Variants in SCRG1 observed in about 807,000 individuals in gnomAD.
SCRG1 encodes scrapie-responsive protein 1.
Under a neutral mutation model 7.7 loss-of-function variants are expected in SCRG1, and 3 were observed. The observed-to-expected ratio is 0.39, with a 90% CI of 0.18 to 1.01. SCRG1 has a LOEUF of 1.01. Ranked by LOEUF, SCRG1 falls within the 50% of genes least tolerant of loss-of-function variation. The pLI, the probability that SCRG1 is intolerant of heterozygous loss-of-function variation, is 0.36. For missense variants in SCRG1, 110 were observed against 117.2 expected (o/e 0.94, Z 0.28); for synonymous variants, 46 against 41.2 (o/e 1.12, Z -0.44).
the SCRG1 span, among the ~76,000 whole-genome samples, chr4:173,519,084 T>C: frequency 1.1e-4 from 16 of 149,734 alleles, no homozygotes; most frequent in Non-Finnish European, 2.4e-4. Context: ...AGCAGCCAGG[T>C]AGCCCTGCGG....
chr4:173,385,798 T>A lies in SCRG1; in HGVS notation c.*2543A>T, dbSNP rs558539352. On this transcript the variant is annotated 3_prime_UTR_variant, in exon 3 of 3. Transcript: ENST00000296506. ...TCACATATGTCCTTATGCTGATGTG[T>A]CATTTGTAAATGGAGACACTGGATC... is the stretch of plus-strand genomic sequence containing the variant. The A allele has an allele frequency of 1.3e-5, 2 of 152,226 alleles. No individual in the cohort carries two copies. The highest frequency in any genetic ancestry group is 3.9e-4 in the East Asian group (2 of 5,188). The allele number at this position is 152,226 out of a possible 1,614,324, so 9.4% of individuals were successfully genotyped here.
At chr4:173,453,154 A>G in the SCRG1 span, among the ~76,000 whole-genome samples, 1 of 152,224 alleles carries the variant, frequency 6.6e-6, no homozygotes, top group African/African-American at 2.4e-5. Context: ...GCATTATAGG[A>G]GAGAAACCTG....
At chr4:173,519,052 G>C in the SCRG1 span, among the ~76,000 whole-genome samples, 1 of 151,986 alleles carries the variant, frequency 6.6e-6, no homozygotes, top group Non-Finnish European at 1.5e-5. Context: ...GGAACCCCCA[G>C]GCCCGCCACG....
chr4:173,414,958 A>C, the SCRG1 span, among the ~76,000 whole-genome samples: 1 of 152,234 alleles, frequency 6.6e-6, no homozygotes, highest in Non-Finnish European at 1.5e-5. Context: ...GCCTGTCTCC[A>C]GAATAAGAGG....
chr4:173,501,976 C>T, the SCRG1 span, among the ~76,000 whole-genome samples: 75 of 152,252 alleles, frequency 4.9e-4, no homozygotes, highest in Non-Finnish European at 9.1e-4. The surrounding 1 kb of genome is among the most constrained non-coding windows in gnomAD (Gnocchi z 5.1). Flanking sequence ...GGATACAAGA[C>T]CACGGAAAGC....
chr4:173,439,330 G>A, the SCRG1 span, among the ~76,000 whole-genome samples: 1 of 151,978 alleles, frequency 6.6e-6, no homozygotes, highest in Non-Finnish European at 1.5e-5. Flanking sequence ...GGTTTGAGAT[G>A]AGCCTGGCCA....
At chr4:173,484,930 A>ATTATG in the SCRG1 span, among the ~76,000 whole-genome samples, 1 of 61,542 alleles carries the variant, frequency 1.6e-5, no homozygotes, top group Non-Finnish European at 2.7e-5. Context: ...GATATTATAT[A>ATTATG]TTATATTATA....
the SCRG1 span, among the ~76,000 whole-genome samples, chr4:173,493,389 T>C: frequency 1.3e-5 from 2 of 152,118 alleles, no homozygotes; most frequent in Non-Finnish European, 2.9e-5. Context: ...CCAATCATGC[T>C]TCCTTGAACA....
chr4:173,511,053 G>A, the SCRG1 span, among the ~76,000 whole-genome samples: 4 of 152,080 alleles, frequency 2.6e-5, no homozygotes, highest in African/African-American at 4.8e-5. This position sits in a 1 kb window ranked among gnomAD's most constrained non-coding sequence, Gnocchi z 5.2. Context: ...TGCAACTTCC[G>A]CCTCCTGGAT....
chr4:173,450,787 G>A, the SCRG1 span, among the ~76,000 whole-genome samples: 1 of 152,130 alleles, frequency 6.6e-6, no homozygotes, highest in South Asian at 2.1e-4. Flanking sequence ...GTAGTTCCAC[G>A]CATAACAAAG....
At chr4:173,454,480 C>G in the SCRG1 span, among the ~76,000 whole-genome samples, 3 of 152,102 alleles carry the variant, frequency 2.0e-5, no homozygotes, top group Non-Finnish European at 4.4e-5. Flanking sequence ...GGGATATATA[C>G]CTGTATTTAC....
chr4:173,440,228 T>A, the SCRG1 span, among the ~76,000 whole-genome samples: 1 of 152,236 alleles, frequency 6.6e-6, no homozygotes, highest in Non-Finnish European at 1.5e-5. Context: ...CTCTACAGAA[T>A]CTGTGTGGAT....
the SCRG1 span, among the ~76,000 whole-genome samples, chr4:173,500,969 G>A: frequency 1.3e-5 from 2 of 152,370 alleles, no homozygotes; most frequent in African/African-American, 4.8e-5. Flanking sequence ...TCCTTCCGGG[G>A]AGCAGAAGGC....
At position 173,384,894 on chromosome 4, in the gene SCRG1, C is replaced by T. The variant is rs1453246510; in HGVS notation, c.*3447G>A. 6.6e-6 allele frequency: 1 copy of T among 152,060 alleles called. No homozygotes were observed. The highest frequency in any genetic ancestry group is 2.4e-5 in the African/African-American group (1 of 41,394). 9.4% of individuals were successfully genotyped at this position (152,060 alleles called of 1,614,324 possible). A position where few individuals can be genotyped will look rare whatever the true frequency, so the allele number is the denominator to read the frequency against. The stretch of plus-strand genomic sequence containing the variant: ...CTATCTGAAATGTACAATTGTGTGT[C>T]CTATCCATGTAAAAGTTTGCCTTTC... On this transcript the variant is annotated 3_prime_UTR_variant, in exon 3 of 3. Transcript: ENST00000296506.
At chr4:173,501,861 ATT>A in the SCRG1 span, among the ~76,000 whole-genome samples, 2 of 152,036 alleles carry the variant, frequency 1.3e-5, no homozygotes, top group Admixed American at 6.6e-5. This position sits in a 1 kb window ranked among gnomAD's most constrained non-coding sequence, Gnocchi z 5.1. Context: ...GCATCCAATT[ATT>A]CTTAAACAAT....
the SCRG1 span, among the ~76,000 whole-genome samples, chr4:173,480,022 G>C: frequency 6.6e-6 from 1 of 151,596 alleles, no homozygotes; most frequent in Non-Finnish European, 1.5e-5. Context: ...CAGGTTGGAG[G>C]GCAGTGGCAT....
chr4:173,503,533 C>T, the SCRG1 span, among the ~76,000 whole-genome samples: 5 of 152,086 alleles, frequency 3.3e-5, no homozygotes, highest in African/African-American at 7.2e-5. This position sits in a 1 kb window ranked among gnomAD's most constrained non-coding sequence, Gnocchi z 6.4. Context: ...AGCTACACCT[C>T]GCCATGCATG....
At chr4:173,477,763 C>A in the SCRG1 span, among the ~76,000 whole-genome samples, 1 of 108,246 alleles carries the variant, frequency 9.2e-6, no homozygotes, top group African/African-American at 3.6e-5. Context: ...TCCTTCCTTC[C>A]TTCCTTCTTT....
chr4:173,431,343 GA>G, the SCRG1 span, among the ~76,000 whole-genome samples: 1 of 152,146 alleles, frequency 6.6e-6, no homozygotes, highest in African/African-American at 2.4e-5. Context: ...TACTCCAGCT[GA>G]AAGTGAGTTT....
Sources: gnomAD v4.1 joint callset for allele counts (sites outside exome capture counted in the v4.1 genomes callset) on GRCh38, gnomAD v4.1.1 for gene constraint, Gnocchi (gnomAD v3.1) non-coding constraint, MANE v1.5 for transcripts, NCBI Gene and HGNC (gene_info 2026-07-23, HGNC 2026-07-21) for gene names.